Variants in AHI1 observed in about 807,000 individuals in gnomAD.
AHI1 encodes the protein Abelson helper integration site 1.
Under a neutral mutation model 149.3 loss-of-function variants are expected in AHI1, and 123 were observed. The observed-to-expected ratio is 0.82, with a 90% CI of 0.71 to 0.96. The LOEUF (loss-of-function observed/expected upper bound fraction) is 0.96. Ranked by LOEUF, AHI1 falls within the 40% of genes least tolerant of loss-of-function variation. The probability of loss-of-function intolerance (pLI) is 0.00; values close to 1 mark genes in which losing one functional copy is unlikely to be tolerated. For missense variants in AHI1, 1,439 were observed against 1,422.7 expected (o/e 1.01, Z -0.18); for synonymous variants, 475 against 459.8 (o/e 1.03, Z -0.42).
At chr6:135,457,178 G>T (rs1044389613) in intron 9 of AHI1, among the ~76,000 whole-genome samples, 1 of 152,168 alleles carries the variant, frequency 6.6e-6, no homozygotes, top group Non-Finnish European at 1.5e-5. Context: ...CAGCTACTTG[G>T]GAGGCTGAGG....
intron 26 of AHI1, chr6:135,301,818 G>A (rs573607674): frequency 9.1e-6 from 9 of 985,290 alleles, no homozygotes; most frequent in South Asian, 4.7e-5. Context: ...ACATACACAC[G>A]GGAAATTTCA....
At chr6:135,422,567 G>A (rs1205230392) in intron 20 of AHI1, among the ~76,000 whole-genome samples, 2 of 151,676 alleles carry the variant, frequency 1.3e-5, no homozygotes, top group Non-Finnish European at 2.9e-5. Context: ...ACTATATTGA[G>A]AACATAATGG....
intron 14 of AHI1, among the ~76,000 whole-genome samples, chr6:135,441,963 G>A (rs1044871257): frequency 4.6e-5 from 7 of 152,106 alleles, no homozygotes; most frequent in African/African-American, 1.7e-4. Context: ...AGTGTTTAGG[G>A]CAGATGCCCA....
intron 24 of AHI1, among the ~76,000 whole-genome samples, chr6:135,328,137 C>T (rs976056749): frequency 4.6e-5 from 7 of 152,048 alleles, no homozygotes; most frequent in African/African-American, 7.2e-5. Context: ...CTGTGGGATC[C>T]GACACTGTCT....
chr6:135,447,693 T>C (rs1181382702), intron 12 of AHI1, among the ~76,000 whole-genome samples: 1 of 152,208 alleles, frequency 6.6e-6, no homozygotes, highest in Non-Finnish European at 1.5e-5. Context: ...TTTTTTATTT[T>C]AGGGCCAATT....
chr6:135,334,342 T>G (rs1789050599), intron 24 of AHI1, among the ~76,000 whole-genome samples: 1 of 152,204 alleles, frequency 6.6e-6, no homozygotes, highest in Non-Finnish European at 1.5e-5. Context: ...TTCCCTGCCC[T>G]TTCCACTTGT....
At chr6:135,418,605 C>T (rs926881483) in intron 20 of AHI1, among the ~76,000 whole-genome samples, 1 of 152,020 alleles carries the variant, frequency 6.6e-6, no homozygotes, top group African/African-American at 2.4e-5. Flanking sequence ...GAAGCAAATG[C>T]AAACTTTGCT....
In AHI1 at chr6:135,382,926, AATATATAT is replaced by A. The variant is rs1217996100; in HGVS notation, c.3109+11842_3109+11849del. 7.7e-3 allele frequency among the ~76,000 whole-genome samples: 235 copies of A among 30,492 alleles called. 3 individuals carry two copies. The highest frequency in any genetic ancestry group is 0.012 in the African/African-American group (95 of 8,044). The allele number at this position is 30,492 out of a possible 152,430, so 20.0% of individuals were successfully genotyped here. Reference sequence around the variant, plus strand: ...AAAAAAAAAAAAAAAAAAAAAAAAAAATATATATATATATATATATATATATATACATA... The same window carrying A: ...AAAAAAAAAAAAAAAAAAAAAAAAAAATATATATATATATATATATACATA... On this transcript the variant is annotated intron_variant, in intron 23 of 28. Transcript: ENST00000265602.
At chr6:135,397,779 C>T (rs764366928) in intron 22 of AHI1, among the ~76,000 whole-genome samples, 24 of 152,048 alleles carry the variant, frequency 1.6e-4, no homozygotes, top group Non-Finnish European at 2.9e-4. Flanking sequence ...TGTATACTTA[C>T]AAGTCTACCC....
chr6:135,293,118 A>G (rs932047999), intron 27 of AHI1, among the ~76,000 whole-genome samples: 1 of 152,186 alleles, frequency 6.6e-6, no homozygotes, highest in Non-Finnish European at 1.5e-5. Flanking sequence ...GTAACTCACC[A>G]TATTAAGAAA....
intron 11 of AHI1, among the ~76,000 whole-genome samples, chr6:135,451,387 T>C (rs1454242089): frequency 6.6e-6 from 1 of 152,180 alleles, no homozygotes. Flanking sequence ...ACACTTTCTA[T>C]GTGACATTAA....
chr6:135,372,115 G>C (rs774999213), intron 23 of AHI1, among the ~76,000 whole-genome samples: 2 of 152,194 alleles, frequency 1.3e-5, no homozygotes, highest in Non-Finnish European at 2.9e-5. Flanking sequence ...GCTGTAACTT[G>C]CAACTGATGA....
chr6:135,352,838 T>C (rs1345131214), intron 24 of AHI1, among the ~76,000 whole-genome samples: 1 of 150,766 alleles, frequency 6.6e-6, no homozygotes, highest in East Asian at 1.9e-4. Context: ...TATTTCTACT[T>C]TTCCCATAGT....
chr6:135,428,072 A>G (rs533534247), intron 19 of AHI1, among the ~76,000 whole-genome samples: 1 of 151,714 alleles, frequency 6.6e-6, no homozygotes, highest in East Asian at 1.9e-4. Context: ...AACTCTCTCA[A>G]TTTCTTATTA....
chr6:135,490,987 T>C (rs1483915734), intron 4 of AHI1, among the ~76,000 whole-genome samples: 1 of 152,180 alleles, frequency 6.6e-6, no homozygotes, highest in Admixed American at 6.5e-5. Flanking sequence ...CTTTGCTAAG[T>C]TAACTTTTTA....
chr6:135,472,772 A>C (rs1002180387), intron 5 of AHI1, among the ~76,000 whole-genome samples: 1 of 150,574 alleles, frequency 6.6e-6, no homozygotes, highest in African/African-American at 2.4e-5. Flanking sequence ...ACATGTGTCT[A>C]TTTGCTATCT....
intron 21 of AHI1, among the ~76,000 whole-genome samples, chr6:135,408,151 A>G (rs1781068776): frequency 6.6e-6 from 1 of 152,204 alleles, no homozygotes; most frequent in South Asian, 2.1e-4. Context: ...GAAAAAAGCT[A>G]CAAGACTTAG....
chr6:135,406,085 A>C (rs1452775641), intron 21 of AHI1, among the ~76,000 whole-genome samples: 1 of 152,092 alleles, frequency 6.6e-6, no homozygotes, highest in Non-Finnish European at 1.5e-5. Flanking sequence ...TAAATCATTT[A>C]ATTATTTATC....
chr6:135,449,927 C>A (rs1016057513), intron 11 of AHI1, among the ~76,000 whole-genome samples: 2 of 152,130 alleles, frequency 1.3e-5, no homozygotes, highest in African/African-American at 4.8e-5. Flanking sequence ...GTTCGTAAAT[C>A]TGGGAGAGTG....
Sources: gnomAD v4.1 joint callset for allele counts (sites outside exome capture counted in the v4.1 genomes callset) on GRCh38, gnomAD v4.1.1 for gene constraint, MANE v1.5 for transcripts, NCBI Gene and HGNC (gene_info 2026-07-23, HGNC 2026-07-21) for gene names.